The following ZBTB7C variants were observed in gnomAD, a reference collection of about 807,000 sequenced individuals.
ZBTB7C encodes the protein zinc finger and BTB domain containing 7C.
In ZBTB7C, 8 loss-of-function variants were observed where a neutral mutation model predicts 25.7. The observed-to-expected ratio is 0.31, with a 90% CI of 0.18 to 0.56. The LOEUF (loss-of-function observed/expected upper bound fraction) is 0.56, where lower values mean the gene tolerates loss of function less well. ZBTB7C is among the 20% of genes least tolerant of loss of function. The probability of loss-of-function intolerance (pLI) is 0.91; values close to 1 mark genes in which losing one functional copy is unlikely to be tolerated. For synonymous variants in ZBTB7C, 394 were observed against 369.0 expected, an observed-to-expected ratio of 1.07 and a Z score of -0.78; for missense variants, 824 against 855.2, an observed-to-expected ratio of 0.96 and a Z score of 0.46.
At position 48,040,071 on chromosome 18, in the gene ZBTB7C, A is replaced by C; in HGVS notation, c.1037T>G (p.Leu346Arg). 2 of 1,613,048 alleles carry C rather than the reference A, an allele frequency of 1.2e-6. No homozygotes were observed. Among genetic ancestry groups the C allele is most frequent in the Non-Finnish European group, 1.7e-6 (2 of 1,179,438 alleles). The change falls in exon 4 of 5, where the codon CTC (leucine) becomes CGC (arginine). Residue 346 changes from leucine (L) to arginine (R), a missense_variant. Around this residue, in one of 4 missense-constraint regions of ZBTB7C, gnomAD observed 316 missense variants for 299.2 expected, o/e 1.06. Transcript: ENST00000590800. Reference sequence around the variant, plus strand: ...TTCTACCAGGGGCCAGGGTGGGAAGAGGCCTCCCAGGTGGGTGGCACTCAG... The same window carrying C: ...TTCTACCAGGGGCCAGGGTGGGAAGCGGCCTCCCAGGTGGGTGGCACTCAG... Reference protein sequence around the residue: ...NFLSATHLGGLFPPWPLVEER... With the variant: ...NFLSATHLGGRFPPWPLVEER...
chr18:48,162,727 A>G (rs1318974414), intron 3 of ZBTB7C, among the ~76,000 whole-genome samples: 2 of 152,208 alleles, frequency 1.3e-5, no homozygotes, highest in African/African-American at 4.8e-5. Flanking sequence ...AGGGACCGTA[A>G]TGCCCATCTT....
At chr18:48,336,626 T>C (rs914831438) in intron 2 of ZBTB7C, among the ~76,000 whole-genome samples, 1 of 152,152 alleles carries the variant, frequency 6.6e-6, no homozygotes, top group Admixed American at 6.5e-5. Context: ...ATTAGTAACA[T>C]AGGAGAAGAG....
chr18:48,404,992 C>T lies in ZBTB7C; in HGVS notation c.-304+4234G>A, dbSNP rs193185989. 5.8e-3 allele frequency among the ~76,000 whole-genome samples: 884 copies of T among 152,290 alleles called. 4 individuals are homozygous for T. The highest frequency in any genetic ancestry group is 9.0e-3 in the Non-Finnish European group (611 of 68,030). On this transcript the variant is annotated intron_variant, in intron 1 of 4. Transcript: ENST00000590800. ...ATCCACAGCCTCCTACTGAAGTCTC[C>T]CCCTGGTAAAACCTGCTGTGAGCCC... is the stretch of plus-strand genomic sequence containing the variant.
rs72922154 is a variant in ZBTB7C, at chr18:48,175,668, C to T, written c.-17+10266G>A. ...CATTCCTCGCTAAAAGGAACCAGAG[C>T]CCCCCAGAGAAATTACTGATGCCAG... On this transcript the variant is annotated intron_variant, in intron 3 of 4. Coordinates refer to ENST00000590800, the MANE Select transcript of ZBTB7C (RefSeq NM_001318841.2). Among the ~76,000 whole-genome samples the T allele has an allele frequency of 9.7e-3, 1,474 of 152,158 alleles. 17 individuals are homozygous for T. Among genetic ancestry groups the T allele is most frequent in the Middle Eastern group, 0.037 (11 of 294 alleles).
At chr18:48,291,293 A>AG (rs113225402) in intron 2 of ZBTB7C, among the ~76,000 whole-genome samples, 3,177 of 152,150 alleles carry the variant, frequency 0.021, 117 homozygotes, top group African/African-American at 0.072. Context: ...GGTGGTGGTG[A>AG]GGGGGGATGT....
chr18:48,349,259 A>G (rs76967770), intron 1 of ZBTB7C, among the ~76,000 whole-genome samples: 1,586 of 152,322 alleles, frequency 0.01, 23 homozygotes, highest in African/African-American at 0.037. Flanking sequence ...CCAATATGAA[A>G]TGGGCATGGA....
chr18:48,196,913 C>A (rs2042331304), intron 2 of ZBTB7C, among the ~76,000 whole-genome samples: 1 of 152,210 alleles, frequency 6.6e-6, no homozygotes. Context: ...ATTCTGCCTT[C>A]CTCTTGGAAA....
At chr18:48,304,446 T>TG (rs1405702168) in intron 2 of ZBTB7C, among the ~76,000 whole-genome samples, 2 of 151,728 alleles carry the variant, frequency 1.3e-5, no homozygotes, top group Non-Finnish European at 2.9e-5. Flanking sequence ...GAGGCCGAGG[T>TG]GGGGGATCAC....
chr18:48,332,673 CTTTT>C (rs58216606), intron 2 of ZBTB7C, among the ~76,000 whole-genome samples: 1,290 of 85,678 alleles, frequency 0.015, 32 homozygotes, highest in East Asian at 0.078. Context: ...CTCTCCTTTG[CTTTT>C]TTTTTTTTTT....
intron 1 of ZBTB7C, among the ~76,000 whole-genome samples, chr18:48,368,468 T>C (rs1295584711): frequency 1.3e-5 from 2 of 151,920 alleles, no homozygotes; most frequent in African/African-American, 4.8e-5. Context: ...ATAACAGAAG[T>C]TCTAACATTT....
intron 3 of ZBTB7C, among the ~76,000 whole-genome samples, chr18:48,099,592 G>C (rs903708458): frequency 2.6e-5 from 4 of 152,232 alleles, no homozygotes; most frequent in African/African-American, 9.6e-5. Flanking sequence ...AGAGGTTGCA[G>C]GGAGAGGGAC....
In ZBTB7C at chr18:48,129,187, G is replaced by A. The variant is rs758620037; in HGVS notation, c.-17+56747C>T. ...AGGGGAAAAAACGTGTGCTGCAAAC[G>A]CCCGTTTCACTGCCCTCCAAAAAAA... On this transcript the variant is annotated intron_variant, in intron 3 of 4. Coordinates refer to ENST00000590800, the MANE Select transcript of ZBTB7C (RefSeq NM_001318841.2). 5.3e-5 allele frequency among the ~76,000 whole-genome samples: 8 copies of A among 151,874 alleles called. 1 individual carries two copies. Among genetic ancestry groups the A allele is most frequent in the Admixed American group, 5.2e-4 (8 of 15,256 alleles).
rs148585150 is a variant in ZBTB7C at position 48,040,127 on chromosome 18, C to T, written c.981G>A (p.Ala327=). 148 of 1,591,894 alleles carry T rather than the reference C, an allele frequency of 9.3e-5. 1 individual carries two copies. In the African/African-American group the frequency reaches 1.3e-3, roughly 14 times the overall value. Residue 327 remains alanine, a synonymous_variant, in exon 4 of 5, where the codon GCG becomes GCA. Transcript: ENST00000590800. ...TGAGATAGGCACCGTAGTCGTTCTCCGCCTTGATGGGTCCCAGAGGCCCCC... is the reference window on the plus strand; with the variant it reads ...TGAGATAGGCACCGTAGTCGTTCTCTGCCTTGATGGGTCCCAGAGGCCCCC... ...LPGGPLGPIK[A]ENDYGAYLNF...
At chr18:48,248,652 T>C (rs2043763992) in intron 2 of ZBTB7C, among the ~76,000 whole-genome samples, 2 of 152,258 alleles carry the variant, frequency 1.3e-5, no homozygotes, top group South Asian at 4.1e-4. Context: ...TCCAAGAAGA[T>C]GAAAATTTTA....
chr18:48,225,088 G>T (rs571064763), intron 2 of ZBTB7C, among the ~76,000 whole-genome samples: 1 of 152,310 alleles, frequency 6.6e-6, no homozygotes, highest in South Asian at 2.1e-4. Context: ...GGCATCTGCT[G>T]TATGGACCTA....
rs148376311 is a variant in ZBTB7C at position 48,215,794 on chromosome 18, T to C, written c.-78-29799A>G. 1.2e-4 allele frequency among the ~76,000 whole-genome samples: 18 copies of C among 152,324 alleles called. No individual in the cohort carries two copies. In the East Asian group the frequency reaches 3.1e-3, roughly 26 times the overall value. ...AAGGGATTTTCTACAGAATGTAAATTTCCCCCACAGTAGACAGATTTTCAG... is the reference window on the plus strand; with the variant it reads ...AAGGGATTTTCTACAGAATGTAAATCTCCCCCACAGTAGACAGATTTTCAG... On this transcript the variant is annotated intron_variant, in intron 2 of 4. Transcript: ENST00000590800.
intron 2 of ZBTB7C, among the ~76,000 whole-genome samples, chr18:48,191,484 C>T (rs2042193546): frequency 6.6e-6 from 1 of 152,250 alleles, no homozygotes; most frequent in South Asian, 2.1e-4. Context: ...GGTGCAGGAC[C>T]TCAGCTGGGG....
intron 4 of ZBTB7C, among the ~76,000 whole-genome samples, chr18:48,034,136 T>C (rs551397830): frequency 2.2e-4 from 34 of 152,322 alleles, no homozygotes; most frequent in African/African-American, 7.7e-4. Context: ...TCTGTAGGAA[T>C]GGAGGTCTGG....
At chr18:48,326,242 C>T (rs538526067) in intron 2 of ZBTB7C, among the ~76,000 whole-genome samples, 9 of 152,012 alleles carry the variant, frequency 5.9e-5, no homozygotes, top group Admixed American at 2.6e-4. Context: ...ATTACAGGTG[C>T]GTGCTACCAT....
Sources: allele counts gnomAD v4.1 joint callset (sites outside exome capture counted in the v4.1 genomes callset), GRCh38; gene constraint gnomAD v4.1.1; regional missense constraint gnomAD v4.1.1; transcripts MANE v1.5; gene names NCBI Gene and HGNC (gene_info 2026-07-23, HGNC 2026-07-21).